Variants in AFG2A observed in about 807,000 individuals in gnomAD.
AFG2A encodes the protein ATPase family gene 2 protein homolog A.
At chr4:123,213,243 A>T in the AFG2A span, among the ~76,000 whole-genome samples, 3 of 151,908 alleles carry the variant, frequency 2.0e-5, no homozygotes, top group Admixed American at 1.3e-4. Flanking sequence ...AAGCTAAACC[A>T]TGCTAACAAT....
At chr4:123,065,341 C>G in the AFG2A span, among the ~76,000 whole-genome samples, 2 of 152,106 alleles carry the variant, frequency 1.3e-5, no homozygotes, top group Non-Finnish European at 2.9e-5. Context: ...TGAACAGAAC[C>G]TAGGACAGGT....
chr4:123,004,917 G>GT, the AFG2A span, among the ~76,000 whole-genome samples: 163 of 151,720 alleles, frequency 1.1e-3, no homozygotes, highest in African/African-American at 3.7e-3. Context: ...CAGATTATCT[G>GT]TTTTTTTTCT....
chr4:123,047,743 C>T, the AFG2A span, among the ~76,000 whole-genome samples: 1,808 of 151,588 alleles, frequency 0.012, 41 homozygotes, highest in African/African-American at 0.041. Flanking sequence ...CACTCTGTCA[C>T]CCAGGCTGGA....
the AFG2A span, among the ~76,000 whole-genome samples, chr4:123,251,363 T>A: frequency 1.3e-5 from 2 of 152,118 alleles, no homozygotes; most frequent in East Asian, 3.9e-4. Context: ...ATTGTTGAAG[T>A]TTGTTAGTTA....
At chr4:123,129,589 T>A in the AFG2A span, among the ~76,000 whole-genome samples, 2 of 152,318 alleles carry the variant, frequency 1.3e-5, no homozygotes, top group East Asian at 3.9e-4. Context: ...TTTGAAACAT[T>A]CCTCTTTGTT....
the AFG2A span, among the ~76,000 whole-genome samples, chr4:123,149,251 G>C: frequency 6.6e-6 from 1 of 152,076 alleles, no homozygotes; most frequent in Non-Finnish European, 1.5e-5. Flanking sequence ...TGCAACACTT[G>C]ACAAAATCCT....
At chr4:123,030,097 T>C in the AFG2A span, among the ~76,000 whole-genome samples, 1 of 152,226 alleles carries the variant, frequency 6.6e-6, no homozygotes. Context: ...ATTTTTTCTG[T>C]TCTTACCTTG....
chr4:122,966,433 GATTTTATCTTTT>G, the AFG2A span, among the ~76,000 whole-genome samples: 1 of 152,092 alleles, frequency 6.6e-6, no homozygotes, highest in Non-Finnish European at 1.5e-5. Flanking sequence ...GGAGACTTAG[GATTTTATCTTTT>G]ATTATTCTAT....
At chr4:122,975,082 C>T in the AFG2A span, among the ~76,000 whole-genome samples, 1 of 152,178 alleles carries the variant, frequency 6.6e-6, no homozygotes, top group Non-Finnish European at 1.5e-5. Flanking sequence ...AGTCCAGTTT[C>T]TGCTGCTATA....
chr4:122,924,410 A>G, the AFG2A span, among the ~76,000 whole-genome samples: 2 of 152,096 alleles, frequency 1.3e-5, no homozygotes, highest in Non-Finnish European at 2.9e-5. Flanking sequence ...GTGGTCTCCG[A>G]GCATCTCCGT....
At chr4:123,066,130 A>G in the AFG2A span, among the ~76,000 whole-genome samples, 1 of 152,196 alleles carries the variant, frequency 6.6e-6, no homozygotes, top group Non-Finnish European at 1.5e-5. Context: ...AAAAGTTCTA[A>G]GCTAGCTTTC....
At chr4:123,151,574 A>G in the AFG2A span, among the ~76,000 whole-genome samples, 1 of 152,224 alleles carries the variant, frequency 6.6e-6, no homozygotes, top group African/African-American at 2.4e-5. Context: ...CAAAACCACA[A>G]TGAGATACCA....
the AFG2A span, among the ~76,000 whole-genome samples, chr4:122,986,840 A>C: frequency 6.6e-6 from 1 of 152,284 alleles, no homozygotes; most frequent in East Asian, 1.9e-4. Context: ...AGGTCCATTT[A>C]GTCTATAGTG....
chr4:123,140,313 C>T, the AFG2A span, among the ~76,000 whole-genome samples: 1 of 152,038 alleles, frequency 6.6e-6, no homozygotes, highest in Non-Finnish European at 1.5e-5. Context: ...GCTAGATGTA[C>T]ATAGCTTAAT....
the AFG2A span, among the ~76,000 whole-genome samples, chr4:123,232,265 T>A: frequency 6.6e-6 from 1 of 152,000 alleles, no homozygotes; most frequent in Non-Finnish European, 1.5e-5. Context: ...AAGAAGAAAG[T>A]TAAGTATAAG....
the AFG2A span, among the ~76,000 whole-genome samples, chr4:123,032,294 C>T: frequency 2.6e-5 from 4 of 152,250 alleles, no homozygotes; most frequent in African/African-American, 9.6e-5. Context: ...ATTCAGAGTA[C>T]AGGTGCTCCC....
chr4:122,939,479 A>G, the AFG2A span, among the ~76,000 whole-genome samples: 6 of 151,960 alleles, frequency 3.9e-5, no homozygotes, highest in South Asian at 1.2e-3. Context: ...ATTTTCTAAG[A>G]CTCCTGACAT....
At chr4:123,109,775 G>T in the AFG2A span, among the ~76,000 whole-genome samples, 115 of 152,186 alleles carry the variant, frequency 7.6e-4, 1 homozygote, top group African/African-American at 2.7e-3. Flanking sequence ...TGCAAGGGAA[G>T]CATTTTTGTC....
the AFG2A span, among the ~76,000 whole-genome samples, chr4:123,032,255 A>T: frequency 6.6e-6 from 1 of 152,216 alleles, no homozygotes; most frequent in Non-Finnish European, 1.5e-5. Context: ...TTTCCAGAAA[A>T]ACCTGTGGTT....
Sources: gnomAD v4.1 joint callset for allele counts (sites outside exome capture counted in the v4.1 genomes callset) on GRCh38, gnomAD v4.1.1 for gene constraint, MANE v1.5 for transcripts, NCBI Gene and HGNC (gene_info 2026-07-23, HGNC 2026-07-21) for gene names.